Variants in KNTC1 observed in about 807,000 individuals in gnomAD.
KNTC1 encodes the protein kinetochore-associated protein 1.
KNTC1 carries 253 observed loss-of-function variants against 314.4 expected under a neutral mutation model. That is an observed-to-expected ratio of 0.80 (90% CI 0.73 to 0.89). KNTC1 has a LOEUF of 0.89. Ranked by LOEUF, KNTC1 falls within the 40% of genes least tolerant of loss-of-function variation. KNTC1 has a pLI of 0.00. For synonymous variants in KNTC1, 901 were observed against 901.4 expected (o/e 1.00, Z 0.01); for missense variants, 2,475 against 2,572.9 (o/e 0.96, Z 0.82).
At chr12:122,561,129 A>T (rs1220515889) in intron 18 of KNTC1, among the ~76,000 whole-genome samples, 1 of 152,028 alleles carries the variant, frequency 6.6e-6, no homozygotes, top group East Asian at 1.9e-4. Context: ...CTGGCCAGTA[A>T]GATGAAACCC....
At chr12:122,567,058 C>T (rs1448942010) in intron 20 of KNTC1, among the ~76,000 whole-genome samples, 5 of 150,912 alleles carry the variant, frequency 3.3e-5, no homozygotes, top group South Asian at 2.1e-4. Flanking sequence ...AAGGATGTGG[C>T]GAGCTAGTGA....
chr12:122,602,554 T>C lies in KNTC1; in HGVS notation c.4654-15T>C. ...GGTTACTCTTACTGGACAAAAGTTT[T>C]TTATTTTAATATAGGCATTGAGTAT... On this transcript the variant is annotated splice_polypyrimidine_tract_variant and intron_variant, in intron 45 of 63. Transcript: ENST00000333479. The C allele has an allele frequency of 6.4e-7, 1 of 1,562,962 alleles. No individual in the cohort carries two copies. Among genetic ancestry groups the C allele is most frequent in the Non-Finnish European group, 8.7e-7 (1 of 1,144,794 alleles).
At chr12:122,581,293 GGTTCAA>G (rs1230475975) in intron 33 of KNTC1, among the ~76,000 whole-genome samples, 1 of 150,304 alleles carries the variant, frequency 6.7e-6, no homozygotes, top group Non-Finnish European at 1.5e-5. Context: ...CCACCTCCCA[GGTTCAA>G]GTGATTCTCT....
intron 27 of KNTC1, 111 bp from the exon 28 acceptor site, chr12:122,575,432 T>TCTCAAACTAC: frequency 2.9e-6 from 2 of 699,736 alleles, no homozygotes; most frequent in Non-Finnish European, 5.1e-6. Context: ...GATGAAATAT[T>TCTCAAACTAC]CTCAAACTAC....
chr12:122,620,720 A>C, intron 60 of KNTC1, 112 bp downstream of exon 60: 2 of 1,099,560 alleles, frequency 1.8e-6, no homozygotes, highest in Non-Finnish European at 2.6e-6. Flanking sequence ...GCATGAATAC[A>C]TCAGATATGT....
chr12:122,602,514 G>C, intron 45 of KNTC1, 55 bp from the exon 46 acceptor site: 1 of 1,081,590 alleles, frequency 9.2e-7, no homozygotes, highest in Non-Finnish European at 1.3e-6. Flanking sequence ...ATGATTTTAT[G>C]ACAGTTTAGG....
In KNTC1 at chr12:122,575,571, T is replaced by G. The variant is rs752088372; in HGVS notation, c.2411T>G (p.Met804Arg). Residue 804 changes from methionine (M) to arginine (R), a missense_variant, in exon 28 of 64, where the codon ATG becomes AGG. Transcript: ENST00000333479. ...ATATTTGATGCCGTGCTCAAGATCATGTATGCGGCAGTGGTTCCTTGGAGT... is the reference window on the plus strand; with the variant it reads ...ATATTTGATGCCGTGCTCAAGATCAGGTATGCGGCAGTGGTTCCTTGGAGT... ...DLIFDAVLKI[M>R]YAAVVPWSAA... The G allele has an allele frequency of 6.3e-7, 1 of 1,595,936 alleles. No homozygotes were observed. Among genetic ancestry groups the G allele is most frequent in the South Asian group, 1.1e-5 (1 of 87,814 alleles).
intron 21 of KNTC1, 39 bp from the exon 22 acceptor site, chr12:122,569,642 A>C: frequency 6.3e-7 from 1 of 1,577,234 alleles, no homozygotes; most frequent in Non-Finnish European, 8.6e-7. Flanking sequence ...CTTTGGTTTA[A>C]ATTTGTCAGA....
At chr12:122,546,150 T>C (rs1198769492) in intron 8 of KNTC1, 26 bp from the exon 9 acceptor site, 2 of 1,426,628 alleles carry the variant, frequency 1.4e-6, no homozygotes, top group Admixed American at 3.4e-5. Context: ...AAATTTGCAT[T>C]TTAAGTACTG....
chr12:122,577,568 C>A, intron 30 of KNTC1, 104 bp from the exon 31 acceptor site: 1 of 1,121,380 alleles, frequency 8.9e-7, no homozygotes, highest in Non-Finnish European at 1.2e-6. Context: ...ATCTGTTTTT[C>A]CAAATGATGT....
At chr12:122,593,704 A>G (rs1009718992) in intron 42 of KNTC1, 1 of 152,526 alleles carries the variant, frequency 6.6e-6, no homozygotes, top group African/African-American at 2.4e-5. Flanking sequence ...TCTAGGGCCT[A>G]AGTGATCCTC....
rs778796421 is a variant in KNTC1, at chr12:122,604,610, G to A, written c.5148G>A (p.Glu1716=). Residue 1716 remains glutamate, a synonymous_variant, in exon 49 of 64, where the codon GAG becomes GAA. Transcript: ENST00000333479. Reference sequence around the variant, plus strand: ...TGAAATTCTGCCTTTATTTAGCTGAGAGATGGCTACAGAATATCCCATCGC... The same window carrying A: ...TGAAATTCTGCCTTTATTTAGCTGAAAGATGGCTACAGAATATCCCATCGC... ...SALKFCLYLA[E]RWLQNIPSQD... The A allele has an allele frequency of 6.3e-7, 1 of 1,597,050 alleles. No individual in the cohort carries two copies. Among genetic ancestry groups the A allele is most frequent in the Non-Finnish European group, 8.6e-7 (1 of 1,165,548 alleles).
Position 122,626,238 on chromosome 12 carries a change from C to A in KNTC1, c.*10C>A, listed in dbSNP as rs78276281. 0.025 allele frequency: 39,048 copies of A among 1,577,326 alleles called. 631 individuals carry two copies. Among genetic ancestry groups the A allele is most frequent in the Non-Finnish European group, 0.03 (34,343 of 1,151,626 alleles). On this transcript the variant is annotated 3_prime_UTR_variant, in exon 64 of 64. Coordinates refer to ENST00000333479, the MANE Select transcript of KNTC1 (RefSeq NM_014708.6). ...TAGTGGATTATCGTAAATCACTGAA[C>A]CTTTTTTTCAAGAAGGACAAGAATT... is the stretch of plus-strand genomic sequence containing the variant.
intron 9 of KNTC1, among the ~76,000 whole-genome samples, 160 bp from the exon 10 acceptor site, chr12:122,546,462 T>C (rs1962773937): frequency 6.6e-6 from 1 of 152,216 alleles, no homozygotes; most frequent in African/African-American, 2.4e-5. Flanking sequence ...TGGGAGGTTT[T>C]ACATTTTAGT....
intron 22 of KNTC1, 34 bp downstream of exon 22, chr12:122,569,858 C>A: frequency 6.4e-7 from 1 of 1,572,452 alleles, no homozygotes; most frequent in Non-Finnish European, 8.6e-7. Context: ...CTCTTGATGA[C>A]TTTATTTCAT....
In KNTC1 at chr12:122,546,561, T is replaced by C. The variant is rs2137742800; in HGVS notation, c.764-61T>C. 5.4e-6 allele frequency: 6 copies of C among 1,102,866 alleles called. No homozygotes were observed. The South Asian group carries it at 8.7e-5, about 16-fold the overall frequency. The allele number at this position is 1,102,866 out of a possible 1,614,324, so 68.3% of individuals were successfully genotyped here. A position where few individuals can be genotyped will look rare whatever the true frequency, so the allele number is the denominator to read the frequency against. ...GCCTTTCTGTGAATATGTTAGTTTT[T>C]TATTTAGATATATGAAATATTGAAA... On this transcript the variant is annotated intron_variant, in intron 9 of 63. Coordinates refer to ENST00000333479, the MANE Select transcript of KNTC1 (RefSeq NM_014708.6).
chr12:122,594,225 C>T, intron 42 of KNTC1, 51 bp from the exon 43 acceptor site: 3 of 989,960 alleles, frequency 3.0e-6, no homozygotes, highest in South Asian at 1.3e-5. Flanking sequence ...TACTCTGATA[C>T]ATTTCAGTGT....
rs771850728 is a variant in KNTC1 at position 122,602,831 on chromosome 12, A to G, written c.4828A>G (p.Thr1610Ala). ...TACTTTCCTTGTTTCCTTTCTAGCT[A>G]CAGAACTCAGTGAAGAATCTTTCCC... ...TAQNFWKILS[T>A]ELSEESFPTL... Residue 1610 changes from threonine to alanine, a missense_variant and splice_region_variant, in exon 47 of 64, where the codon ACA becomes GCA. Physicochemically the swap from Thr to Ala is moderately conservative, Grantham distance 58. Transcript: ENST00000333479. 4.3e-6 allele frequency: 7 copies of G among 1,613,030 alleles called. No individual in the cohort carries two copies. Among genetic ancestry groups the G allele is most frequent in the South Asian group, 1.1e-5 (1 of 90,996 alleles).
At chr12:122,546,501 T>A in intron 9 of KNTC1, 121 bp from the exon 10 acceptor site, 1 of 714,340 alleles carries the variant, frequency 1.4e-6, no homozygotes, top group Non-Finnish European at 2.3e-6. Flanking sequence ...GAGGCAGGAA[T>A]AAAGGAAAAT....
Sources: allele counts gnomAD v4.1 joint callset (sites outside exome capture counted in the v4.1 genomes callset), GRCh38; gene constraint gnomAD v4.1.1; transcripts MANE v1.5; gene names NCBI Gene and HGNC (gene_info 2026-07-23, HGNC 2026-07-21).